FREM3: variants seen among roughly 807,000 people sequenced by gnomAD.
FREM3 encodes FRAS1-related extracellular matrix protein 3.
A neutral mutation model predicts 129.1 loss-of-function variants in FREM3; 105 were observed. The observed-to-expected ratio is 0.81, with a 90% confidence interval of 0.69 to 0.96. FREM3 has a LOEUF of 0.96. FREM3 is among the 40% of genes least tolerant of loss of function. The pLI, the probability that FREM3 is intolerant of heterozygous loss-of-function variation, is 0.00. For synonymous variants in FREM3, 1,014 were observed against 1,044.9 expected (o/e 0.97, Z 0.57); for missense variants, 2,593 against 2,666.3 (o/e 0.97, Z 0.61).
chr4:143,696,952 T>C lies in FREM3; in HGVS notation c.3724A>G (p.Ile1242Val), dbSNP rs1357888996. ...TGGCTGCCTGTAGCCAGCTGCTGTA[T>C]GATTCGTCCATGCCGAGGGAGGGCT... Reference protein sequence around the residue: ...LTALPRHGRIIQQLATGSQPI... With the variant: ...LTALPRHGRIVQQLATGSQPI... Residue 1242 changes from isoleucine to valine, a missense_variant, in exon 1 of 8, where the codon ATA (isoleucine) becomes GTA (valine). By Grantham distance (29) the Ile-to-Val change is conservative. Coordinates refer to ENST00000329798, the MANE Select transcript of FREM3 (RefSeq NM_001168235.2). 6 of 1,537,724 alleles carry C rather than the reference T, an allele frequency of 3.9e-6. No homozygotes were observed. Among genetic ancestry groups the C allele is most frequent in the Non-Finnish European group, 5.2e-6 (6 of 1,147,048 alleles).
chr4:143,696,649 T>G lies in FREM3; in HGVS notation c.4027A>C (p.Ser1343Arg), dbSNP rs1420230167. Residue 1343 changes from serine to arginine, a missense_variant, in exon 1 of 8, where the codon AGT (serine) becomes CGT (arginine). This residue lies in a region of FREM3 where 2,276 missense variants were observed against 2,267.2 expected (regional missense o/e 1.00). Transcript: ENST00000329798. ...TGAGGCCCAGAATGGAGGACAAAACTGAGGCTTTTATCATCTGAGTCAAGA... is the reference window on the plus strand; with the variant it reads ...TGAGGCCCAGAATGGAGGACAAAACGGAGGCTTTTATCATCTGAGTCAAGA... Reference protein sequence around the residue: ...TDLDSDDKSLSFVLHSGPQQG... With the variant: ...TDLDSDDKSLRFVLHSGPQQG... 8 of 1,537,908 alleles carry G rather than the reference T, an allele frequency of 5.2e-6. No individual in the cohort carries two copies. The South Asian group carries it at 8.3e-5, about 16-fold the overall frequency.
At position 143,616,750 on chromosome 4, in the gene FREM3, G is replaced by A. The variant is rs1191934634; in HGVS notation, c.5779+4287C>T. Among the ~76,000 whole-genome samples, 8 of 149,554 alleles carry A rather than the reference G, an allele frequency of 5.3e-5. No individual in the cohort carries two copies. In the South Asian group the frequency reaches 6.3e-4, roughly 12 times the overall value. ...GGAGCTTGCAGTGAGCCAAGACGGC[G>A]ACACTGCACTCCAGCCTGGGCAACA... On this transcript the variant is annotated intron_variant, in intron 5 of 7. Coordinates refer to ENST00000329798, the MANE Select transcript of FREM3 (RefSeq NM_001168235.2).
intron 2 of FREM3, among the ~76,000 whole-genome samples, chr4:143,670,671 A>G (rs1019221716): frequency 6.6e-6 from 1 of 152,184 alleles, no homozygotes; most frequent in East Asian, 1.9e-4. Context: ...AATCTAAAAG[A>G]CACAATCCCT....
At chr4:143,587,711 G>A (rs1459178593) in intron 6 of FREM3, among the ~76,000 whole-genome samples, 1 of 151,398 alleles carries the variant, frequency 6.6e-6, no homozygotes, top group East Asian at 2.0e-4. Context: ...GGTTTTGGAA[G>A]ATGGAAGAAA....
chr4:143,617,469 G>C, intron 5 of FREM3, among the ~76,000 whole-genome samples: 1 of 152,170 alleles, frequency 6.6e-6, no homozygotes, highest in East Asian at 1.9e-4. Flanking sequence ...GAAGACAGAG[G>C]ATTTGGCAGT....
At chr4:143,593,528 C>T (rs1738406001) in intron 6 of FREM3, among the ~76,000 whole-genome samples, 2 of 152,214 alleles carry the variant, frequency 1.3e-5, no homozygotes, top group African/African-American at 2.4e-5. Flanking sequence ...TGGGTATCAG[C>T]AGCGGTGGCT....
chr4:143,611,733 T>C (rs1472041918), intron 5 of FREM3, among the ~76,000 whole-genome samples: 1 of 152,208 alleles, frequency 6.6e-6, no homozygotes, highest in African/African-American at 2.4e-5. Flanking sequence ...GATTTAGTGA[T>C]TTTTAAATAG....
chr4:143,687,681 A>T (rs986298849), intron 2 of FREM3, among the ~76,000 whole-genome samples: 2 of 152,216 alleles, frequency 1.3e-5, no homozygotes, highest in African/African-American at 4.8e-5. Flanking sequence ...AGTGGGTTTC[A>T]TATCAGGGAT....
intron 2 of FREM3, among the ~76,000 whole-genome samples, chr4:143,659,767 T>C (rs528504734): frequency 6.6e-6 from 1 of 151,320 alleles, no homozygotes; most frequent in East Asian, 2.0e-4. Flanking sequence ...TTTTAATGAT[T>C]GCCATTCTAA....
intron 6 of FREM3, among the ~76,000 whole-genome samples, chr4:143,594,406 A>G (rs985324945): frequency 7.9e-5 from 12 of 152,178 alleles, no homozygotes; most frequent in African/African-American, 2.9e-4. Context: ...AGTCTTATGA[A>G]CTGTTCTCAA....
In FREM3 at chr4:143,577,627, C is replaced by T. The variant is rs1560831075; in HGVS notation, c.6404G>A (p.Cys2135Tyr). 1.3e-6 allele frequency: 2 copies of T among 1,537,178 alleles called. No individual in the cohort carries two copies. Among genetic ancestry groups the T allele is most frequent in the Non-Finnish European group, 1.7e-6 (2 of 1,146,814 alleles). The change falls in exon 8 of 8, where the codon TGT becomes TAT. Residue 2135 changes from cysteine to tyrosine, a missense_variant. Physicochemically the swap from Cys to Tyr is radical, Grantham distance 194. Around this residue, in one of 2 missense-constraint regions of FREM3, gnomAD observed 317 missense variants for 399.0 expected, o/e 0.79. Transcript: ENST00000329798. ...DTITDCKQSA[C>Y]SSFD ...TAAAGTCTTTCAATCAAAGGAACTA[C>T]AAGCACTCTGCTTACAGTCCGTGAT...
intron 2 of FREM3, among the ~76,000 whole-genome samples, chr4:143,641,186 A>G (rs1739315645): frequency 6.6e-6 from 1 of 152,182 alleles, no homozygotes; most frequent in African/African-American, 2.4e-5. Context: ...GAATACAAAG[A>G]TAAATGTCAT....
At chr4:143,659,453 T>A (rs933825867) in intron 2 of FREM3, among the ~76,000 whole-genome samples, 3 of 152,220 alleles carry the variant, frequency 2.0e-5, no homozygotes, top group Admixed American at 1.3e-4. Flanking sequence ...GGTGTATATG[T>A]GCCACATTTT....
chr4:143,610,453 G>A (rs1445004683), intron 6 of FREM3, among the ~76,000 whole-genome samples: 1 of 152,090 alleles, frequency 6.6e-6, no homozygotes, highest in Admixed American at 6.6e-5. Flanking sequence ...TCAGTTTAAT[G>A]TAAGCTTTGT....
rs1738216585 is a variant in FREM3 at position 143,585,170 on chromosome 4, A to G, written c.6178+674T>C. Among the ~76,000 whole-genome samples, 1 of 152,258 alleles carries G rather than the reference A, an allele frequency of 6.6e-6. No homozygotes were observed. Among genetic ancestry groups the G allele is most frequent in the African/African-American group, 2.4e-5 (1 of 41,470 alleles). On this transcript the variant is annotated intron_variant, in intron 7 of 7. Transcript: ENST00000329798. This position sits in a 1 kb window ranked among gnomAD's most constrained non-coding sequence, Gnocchi z 4.2. ...TTATAGTGCTAAATGCTCACATCAA[A>G]AAGTTAGAAAGATATAAAATTAACA...
Position 143,696,335 on chromosome 4 carries a change from A to G in FREM3, c.4341T>C (p.Asn1447=). The G allele has an allele frequency of 3.9e-6, 6 of 1,537,374 alleles. No individual in the cohort carries two copies. The highest frequency in any genetic ancestry group is 5.2e-6 in the Non-Finnish European group (6 of 1,146,944). The part of the protein sequence containing the change: ...IEGARVTLTN[N]LLTNSDINSS... The stretch of plus-strand genomic sequence containing the variant: ...TGTTGATGTCACTGTTGGTAAGCAG[A>G]TTGTTGGTAAGGGTCACTCTGGCAC... Residue 1447 remains asparagine (N), a synonymous_variant, in exon 1 of 8, where the codon AAT becomes AAC. Coordinates refer to ENST00000329798, the MANE Select transcript of FREM3 (RefSeq NM_001168235.2).
Position 143,624,137 on chromosome 4 carries a change from G to A in FREM3, c.5624C>T (p.Ala1875Val). The A allele has an allele frequency of 6.5e-7, 1 of 1,534,864 alleles. No homozygotes were observed. The highest frequency in any genetic ancestry group is 1.2e-5 in the South Asian group (1 of 84,022). ...LMAVLEFPEM[A>V]TVEIVDPGDE... is the part of the protein sequence containing the mutation. ...TCCAGGGTCTACAATTTCAACCGTT[G>A]CCATTTCTGGAAACTCCAGTACAGC... The change falls in exon 4 of 8, where the codon GCA (alanine) becomes GTA (valine). Residue 1875 changes from alanine to valine, a missense_variant. Physicochemically the swap from Ala to Val is moderately conservative, Grantham distance 64 (BLOSUM62 0). Transcript: ENST00000329798.
At chr4:143,679,774 G>A (rs968633494) in intron 2 of FREM3, among the ~76,000 whole-genome samples, 6 of 152,006 alleles carry the variant, frequency 3.9e-5, no homozygotes, top group Non-Finnish European at 5.9e-5. Flanking sequence ...TGTCCAGGGC[G>A]AACAATTCAT....
intron 6 of FREM3, among the ~76,000 whole-genome samples, chr4:143,598,651 C>T (rs1374169959): frequency 2.0e-5 from 3 of 152,144 alleles, no homozygotes; most frequent in Non-Finnish European, 2.9e-5. Context: ...ACTCTCCTAC[C>T]AGTTTTTATG....
Sources: allele counts gnomAD v4.1 joint callset (sites outside exome capture counted in the v4.1 genomes callset), GRCh38; gene constraint gnomAD v4.1.1; regional missense constraint gnomAD v4.1.1; non-coding constraint Gnocchi (gnomAD v3.1); transcripts MANE v1.5; gene names NCBI Gene and HGNC (gene_info 2026-07-23, HGNC 2026-07-21).